Variants in MAF observed in about 807,000 individuals in gnomAD.
The protein encoded by MAF is transcription factor Maf.
MAF carries 10 observed loss-of-function variants against 22.0 expected under a neutral mutation model. That is an observed-to-expected ratio of 0.45 (90% confidence interval 0.28 to 0.77). The LOEUF (loss-of-function observed/expected upper bound fraction) is 0.77. Among genes scored for constraint, MAF ranks in the 30% least tolerant of loss-of-function variants. The pLI is 0.12. For missense variants in MAF, 544 were observed against 548.4 expected, an observed-to-expected ratio of 0.99 and a Z score of 0.08; for synonymous variants, 337 against 255.8, an observed-to-expected ratio of 1.32 and a Z score of -3.03.
At chr16:79,238,493 G>C in the MAF span, among the ~76,000 whole-genome samples, 1 of 152,088 alleles carries the variant, frequency 6.6e-6, no homozygotes, top group African/African-American at 2.4e-5. Context: ...ATGTGACCTT[G>C]TGCCAAAACA....
chr16:79,583,302 T>C (rs779792403), downstream of MAF, among the ~76,000 whole-genome samples: 10 of 152,240 alleles, frequency 6.6e-5, no homozygotes, highest in Non-Finnish European at 1.2e-4. Context: ...TTTGAATTCA[T>C]GTCATCGGAT....
the MAF span, among the ~76,000 whole-genome samples, chr16:79,238,423 T>C: frequency 1.1e-4 from 17 of 152,126 alleles, no homozygotes; most frequent in East Asian, 1.5e-3. Flanking sequence ...TTTGGGTACA[T>C]AGTTCATTTC....
the MAF span, among the ~76,000 whole-genome samples, chr16:79,569,507 G>C: frequency 7.9e-5 from 12 of 152,316 alleles, no homozygotes; most frequent in Non-Finnish European, 1.6e-4. Context: ...TGTGGTCCCT[G>C]TTCCAATATC....
the MAF span, among the ~76,000 whole-genome samples, chr16:79,499,944 G>T: frequency 0.021 from 3,134 of 152,266 alleles, 91 homozygotes; most frequent in African/African-American, 0.07. Flanking sequence ...CATAAATGCA[G>T]TCATATCTAT....
chr16:79,466,875 T>A, the MAF span, among the ~76,000 whole-genome samples: 3 of 152,206 alleles, frequency 2.0e-5, no homozygotes, highest in Admixed American at 6.5e-5. Flanking sequence ...GTGTTCCATA[T>A]GGACACGGAT....
chr16:79,583,204 G>A (rs1597829725), downstream of MAF, among the ~76,000 whole-genome samples: 1 of 152,276 alleles, frequency 6.6e-6, no homozygotes, highest in East Asian at 1.9e-4. Context: ...ATAGAAACAA[G>A]ATTTCTGAGT....
the MAF span, among the ~76,000 whole-genome samples, chr16:79,392,654 T>C: frequency 6.6e-6 from 1 of 152,162 alleles, no homozygotes; most frequent in Non-Finnish European, 1.5e-5. Flanking sequence ...GTTTTACAAA[T>C]GAACGAGGAT....
the MAF span, among the ~76,000 whole-genome samples, chr16:79,369,174 G>C: frequency 1.3e-5 from 2 of 152,344 alleles, no homozygotes; most frequent in South Asian, 2.1e-4. Flanking sequence ...AGTTAGAGAA[G>C]TTAGTTGCCC....
chr16:79,582,863 C>T (rs1011210800), downstream of MAF, among the ~76,000 whole-genome samples: 2 of 152,070 alleles, frequency 1.3e-5, no homozygotes, highest in Admixed American at 6.6e-5. Context: ...CTCTTAAAAC[C>T]GAATATTTAG....
the MAF span, among the ~76,000 whole-genome samples, chr16:79,279,069 A>G: frequency 1.3e-5 from 2 of 152,166 alleles, no homozygotes; most frequent in Non-Finnish European, 2.9e-5. Flanking sequence ...TTATCATTCA[A>G]TTCTCACCTC....
At chr16:79,575,062 G>A in the MAF span, among the ~76,000 whole-genome samples, 19 of 150,266 alleles carry the variant, frequency 1.3e-4, no homozygotes, top group Admixed American at 3.3e-4. Flanking sequence ...GAGCCCCAAC[G>A]GCCACTAAAG....
At chr16:79,513,699 T>C in the MAF span, among the ~76,000 whole-genome samples, 2 of 152,226 alleles carry the variant, frequency 1.3e-5, no homozygotes, top group African/African-American at 2.4e-5. Context: ...GTTGAGCTTA[T>C]TGAGCTCATG....
chr16:79,467,641 T>G, the MAF span, among the ~76,000 whole-genome samples: 1 of 152,088 alleles, frequency 6.6e-6, no homozygotes, highest in South Asian at 2.1e-4. Flanking sequence ...ACTTGGGCCT[T>G]GATAGAAATG....
At chr16:79,575,996 A>G in the MAF span, among the ~76,000 whole-genome samples, 9 of 152,048 alleles carry the variant, frequency 5.9e-5, no homozygotes, top group African/African-American at 2.2e-4. Context: ...GCCTATGAAC[A>G]CAGTAAAGGT....
At chr16:79,283,888 C>G in the MAF span, among the ~76,000 whole-genome samples, 1 of 145,934 alleles carries the variant, frequency 6.9e-6, no homozygotes, top group Non-Finnish European at 1.5e-5. Context: ...GTCTCCTGCA[C>G]GGGGTAGCTG....
At chr16:79,527,104 G>T in the MAF span, among the ~76,000 whole-genome samples, 1 of 152,118 alleles carries the variant, frequency 6.6e-6, no homozygotes, top group Non-Finnish European at 1.5e-5. Context: ...CCATTCACTT[G>T]GATATAGCTG....
chr16:79,565,380 G>T, the MAF span, among the ~76,000 whole-genome samples: 2 of 152,146 alleles, frequency 1.3e-5, no homozygotes, highest in African/African-American at 4.8e-5. Flanking sequence ...TACAGAAAAG[G>T]TCTGCTGACC....
chr16:79,384,787 AG>A, the MAF span, among the ~76,000 whole-genome samples: 3 of 152,190 alleles, frequency 2.0e-5, no homozygotes, highest in Non-Finnish European at 2.9e-5. Context: ...AAATTAAAAA[AG>A]GGGGAGCATG....
chr16:79,226,856 G>C, the MAF span, among the ~76,000 whole-genome samples: 1 of 151,998 alleles, frequency 6.6e-6, no homozygotes, highest in African/African-American at 2.4e-5. Context: ...GCCTTATTGA[G>C]TATTATAGCA....
Sources: allele counts gnomAD v4.1 joint callset (sites outside exome capture counted in the v4.1 genomes callset), GRCh38; gene constraint gnomAD v4.1.1; transcripts MANE v1.5; gene names NCBI Gene and HGNC (gene_info 2026-07-23, HGNC 2026-07-21).